SYT3: variants seen among roughly 807,000 people sequenced by gnomAD.
SYT3 encodes synaptotagmin-3.
SYT3 carries 25 observed loss-of-function variants against 50.6 expected under a neutral mutation model. The ratio of observed to expected loss-of-function variants is 0.49; its 90% confidence interval spans 0.36 to 0.69. The LOEUF (loss-of-function observed/expected upper bound fraction) is 0.69, where lower values mean the gene tolerates loss of function less well. Among genes scored for constraint, SYT3 ranks in the 30% least tolerant of loss-of-function variants. The pLI is 0.00. For missense variants in SYT3, 589 were observed against 793.6 expected (o/e 0.74, Z 3.10); for synonymous variants, 323 against 353.9 (o/e 0.91, Z 0.98).
At chr19:50,651,061 C>G in the SYT3 span, among the ~76,000 whole-genome samples, 4 of 152,210 alleles carry the variant, frequency 2.6e-5, no homozygotes, top group Non-Finnish European at 5.9e-5. Flanking sequence ...AGGTTGCAAA[C>G]TTCAGCATAG....
Position 50,639,809 on chromosome 19 carries a change from C to CGCT in SYT3, c.-176_-174dup, listed in dbSNP as rs1359246552. The CGCT allele has an allele frequency of 6.4e-6, 1 of 156,774 alleles. No individual in the cohort carries two copies. Among genetic ancestry groups the CGCT allele is most frequent in the African/African-American group, 2.4e-5 (1 of 41,126 alleles). The allele number at this position is 156,774 out of a possible 1,614,324, so 9.7% of individuals were successfully genotyped here. ...ACTCACCCGGAGCCGCCGCTGCCGC[C>CGCT]GCTGCCGCCGCCGCCGCCGCCGCAG... On this transcript the variant is annotated 5_prime_UTR_variant, in exon 1 of 11. Coordinates refer to ENST00000600079, the MANE Select transcript of SYT3 (RefSeq NM_001160329.2). The surrounding 1 kb of genome is among the most constrained non-coding windows in gnomAD (Gnocchi z 4.6).
At chr19:50,648,573 G>A in the SYT3 span, among the ~76,000 whole-genome samples, 3 of 151,990 alleles carry the variant, frequency 2.0e-5, no homozygotes, top group Non-Finnish European at 4.4e-5. Flanking sequence ...TCTCTAGCAC[G>A]AGAGGCCCCG....
the SYT3 span, chr19:50,656,245 G>C: frequency 0.011 from 16,289 of 1,536,116 alleles, 142 homozygotes; most frequent in Middle Eastern, 0.039. Context: ...CCTGCGGCAG[G>C]TCATTGCAGA....
At chr19:50,644,532 A>G (rs770460676), upstream of SYT3, among the ~76,000 whole-genome samples, 9 of 151,538 alleles carry the variant, frequency 5.9e-5, no homozygotes, top group Non-Finnish European at 1.3e-4. Flanking sequence ...GAAGGGATGG[A>G]TGAGTGGATG....
the SYT3 span, chr19:50,656,038 C>A: frequency 1.3e-6 from 2 of 1,535,892 alleles, no homozygotes; most frequent in Non-Finnish European, 1.7e-6. Context: ...ACACTGGGTT[C>A]TCTGTCCTCA....
the SYT3 span, among the ~76,000 whole-genome samples, chr19:50,651,151 G>C: frequency 6.6e-6 from 1 of 152,292 alleles, no homozygotes; most frequent in South Asian, 2.1e-4. Context: ...TTCTCATGCT[G>C]GGAGAGGAGA....
chr19:50,657,717 T>A, the SYT3 span, among the ~76,000 whole-genome samples: 1 of 152,244 alleles, frequency 6.6e-6, no homozygotes, highest in Non-Finnish European at 1.5e-5. Context: ...TTCAGCCAAC[T>A]GTTCATTGAC....
chr19:50,644,765 ATGGATGAT>A (rs1984735336), upstream of SYT3, among the ~76,000 whole-genome samples: 1 of 151,774 alleles, frequency 6.6e-6, no homozygotes, highest in Admixed American at 6.6e-5. Context: ...GGGTGGATGG[ATGGATGAT>A]TGGATGGGTA....
At chr19:50,644,947 G>A in the SYT3 span, among the ~76,000 whole-genome samples, 1 of 152,086 alleles carries the variant, frequency 6.6e-6, no homozygotes, top group Admixed American at 6.6e-5. Context: ...ATGAAGGGAT[G>A]GATGGATGGG....
At chr19:50,657,211 C>A in the SYT3 span, among the ~76,000 whole-genome samples, 1 of 152,246 alleles carries the variant, frequency 6.6e-6, no homozygotes, top group South Asian at 2.1e-4. Context: ...TCAGCTAATC[C>A]GTGTAACTCT....
chr19:50,627,683 C>T lies in SYT3; in HGVS notation c.1281+1611G>A, dbSNP rs543229104. Among the ~76,000 whole-genome samples the T allele has an allele frequency of 6.8e-5, 10 of 146,158 alleles. No homozygotes were observed. The South Asian group carries it at 1.7e-3, about 25-fold the overall frequency. ...TGGAGGTTGCAGTGAGCTGAGATTG[C>T]GCCACTGTACTCCAGCCTGGGTGAC... On this transcript the variant is annotated intron_variant, in intron 6 of 10. Coordinates refer to ENST00000600079, the MANE Select transcript of SYT3 (RefSeq NM_001160329.2).
At chr19:50,656,007 G>A in the SYT3 span, 2 of 1,524,826 alleles carry the variant, frequency 1.3e-6, no homozygotes, top group Non-Finnish European at 8.8e-7. Context: ...AATCATGGCT[G>A]AGGAGGGCTC....
At chr19:50,626,488 G>C (rs117734003) in intron 6 of SYT3, among the ~76,000 whole-genome samples, 8,781 of 113,096 alleles carry the variant, frequency 0.078, 301 homozygotes, top group South Asian at 0.15. Flanking sequence ...GAGGGGGACA[G>C]AGGCCCAGAG....
chr19:50,636,942 A>G (rs1264420674), intron 3 of SYT3, among the ~76,000 whole-genome samples: 1 of 152,196 alleles, frequency 6.6e-6, no homozygotes, highest in Non-Finnish European at 1.5e-5. Flanking sequence ...TTATTAATAA[A>G]GTGAGGGAGA....
At chr19:50,642,961 T>C (rs756584107), upstream of SYT3, among the ~76,000 whole-genome samples, 12 of 152,254 alleles carry the variant, frequency 7.9e-5, no homozygotes. Context: ...AAAAATTAAA[T>C]GCATTTGCTC....
chr19:50,633,776 C>T (rs1471741183), intron 3 of SYT3, among the ~76,000 whole-genome samples: 1 of 152,170 alleles, frequency 6.6e-6, no homozygotes, highest in African/African-American at 2.4e-5. Flanking sequence ...CTGCCAGGCA[C>T]TACATGAGGT....
At chr19:50,631,465 G>A (rs981242349) in intron 4 of SYT3, among the ~76,000 whole-genome samples, 29 of 152,196 alleles carry the variant, frequency 1.9e-4, no homozygotes, top group African/African-American at 7.0e-4. Context: ...CGCCCAGCCT[G>A]AAGTTTTCCG....
Position 50,632,311 on chromosome 19 carries a change from C to G in SYT3, c.649G>C (p.Val217Leu). Residue 217 changes from valine to leucine, a missense_variant, in exon 4 of 11, where the codon GTC becomes CTC. Coordinates refer to ENST00000600079, the MANE Select transcript of SYT3 (RefSeq NM_001160329.2). This position sits in a 1 kb window ranked among gnomAD's most constrained non-coding sequence, Gnocchi z 4.7. The stretch of plus-strand genomic sequence containing the variant: ...CTGGTAGTGGGTGCCAGGCTTGTGA[C>G]CTGCTGATGTGACTGGGCACTGGGC... Reference protein sequence around the residue: ...GLPSAQSHQQVTSLAPTTRYP... With the variant: ...GLPSAQSHQQLTSLAPTTRYP... 1 of 1,583,800 alleles carries G rather than the reference C, an allele frequency of 6.3e-7. No homozygotes were observed. Among genetic ancestry groups the G allele is most frequent in the Admixed American group, 1.7e-5 (1 of 58,190 alleles).
At chr19:50,655,255 G>A in the SYT3 span, among the ~76,000 whole-genome samples, 1 of 152,154 alleles carries the variant, frequency 6.6e-6, no homozygotes, top group Admixed American at 6.5e-5. Flanking sequence ...CCATAAGAGA[G>A]AGACCAGTTA....
Sources: gnomAD v4.1 joint callset for allele counts (sites outside exome capture counted in the v4.1 genomes callset) on GRCh38, gnomAD v4.1.1 for gene constraint, Gnocchi (gnomAD v3.1) non-coding constraint, MANE v1.5 for transcripts, NCBI Gene and HGNC (gene_info 2026-07-23, HGNC 2026-07-21) for gene names.